Variants in TMEM19 observed in about 807,000 individuals in gnomAD.
The protein encoded by TMEM19 is transmembrane protein 19.
In TMEM19, 21 loss-of-function variants were observed where a neutral mutation model predicts 33.6. The ratio of observed to expected loss-of-function variants is 0.62; its 90% CI spans 0.44 to 0.90. TMEM19 has a LOEUF of 0.90. Ranked by LOEUF, TMEM19 falls within the 40% of genes least tolerant of loss-of-function variation. TMEM19 has a pLI of 0.00. For missense variants in TMEM19, 402 were observed against 401.8 expected (o/e 1.00, Z 0.00); for synonymous variants, 149 against 147.5 (o/e 1.01, Z -0.07).
intron 4 of TMEM19, among the ~76,000 whole-genome samples, chr12:71,698,607 A>AAGAG (rs71068787): frequency 2.3e-3 from 279 of 121,258 alleles, no homozygotes; most frequent in East Asian, 7.3e-3. Flanking sequence ...TGTCTCTGAA[A>AAGAG]AGAGAGAGAG....
Position 71,699,094 on chromosome 12 carries a change from A to G in TMEM19, c.832A>G (p.Thr278Ala), listed in dbSNP as rs373495464. ...AATTGTGGACTCATACTTAGGGGCT[A>G]CAATGCAGTATACTGGTAAGAACAT... is the stretch of plus-strand genomic sequence containing the variant. ...GSIVDSYLGA[T>A]MQYTGLDEST... Residue 278 changes from threonine (T) to alanine (A), a missense_variant, in exon 5 of 6, where the codon ACA becomes GCA. Coordinates refer to ENST00000266673, the MANE Select transcript of TMEM19 (RefSeq NM_018279.4). 81 of 1,614,090 alleles carry G rather than the reference A, an allele frequency of 5.0e-5. No individual in the cohort carries two copies. The highest frequency in any genetic ancestry group is 6.5e-5 in the Non-Finnish European group (77 of 1,180,032).
chr12:71,700,075 T>G (rs533841639), intron 5 of TMEM19, among the ~76,000 whole-genome samples: 1 of 152,296 alleles, frequency 6.6e-6, no homozygotes, highest in African/African-American at 2.4e-5. Context: ...GCACTCTTCA[T>G]GCCTCAGAAA....
rs74104122 is a variant in TMEM19, at chr12:71,700,847, C to G, written c.863C>G (p.Thr288Ser). The G allele has an allele frequency of 4.4e-3, 7,052 of 1,602,068 alleles. 281 individuals carry two copies. In the African/African-American group the frequency reaches 0.082, roughly 19 times the overall value. Residue 288 changes from threonine to serine, a missense_variant, in exon 6 of 6, where the codon ACT becomes AGT. By Grantham distance (58) the Thr-to-Ser change is moderately conservative. Transcript: ENST00000266673. ...TMQYTGLDES[T>S]GMVVNSPTNK... is the part of the protein sequence containing the mutation. ...TCCATTCCAGGGTTGGATGAAAGCACTGGCATGGTGGTCAACAGCCCAACA... is the reference window on the plus strand; with the variant it reads ...TCCATTCCAGGGTTGGATGAAAGCAGTGGCATGGTGGTCAACAGCCCAACA...
chr12:71,695,022 G>A (rs1288040453), intron 2 of TMEM19, among the ~76,000 whole-genome samples: 1 of 152,170 alleles, frequency 6.6e-6, no homozygotes, highest in Non-Finnish European at 1.5e-5. Flanking sequence ...TAGTCCTCAA[G>A]TCTTCAAATT....
Position 71,686,502 on chromosome 12 carries a change from C to T in TMEM19, c.-179C>T. 1.7e-6 allele frequency: 1 copy of T among 600,064 alleles called. No homozygotes were observed. Among genetic ancestry groups the T allele is most frequent in the South Asian group, 2.0e-5 (1 of 49,842 alleles). 37.2% of individuals were successfully genotyped at this position (600,064 alleles called of 1,614,324 possible). ...CCACGCCCATATGAATTGGAGCTCT[C>T]CGCCAGTAGGAGTTTCCGGAAGGAG... On this transcript the variant is annotated 5_prime_UTR_variant, in exon 1 of 6. Transcript: ENST00000266673.
chr12:71,687,649 G>A (rs1881717103), intron 1 of TMEM19, among the ~76,000 whole-genome samples: 1 of 152,114 alleles, frequency 6.6e-6, no homozygotes, highest in Non-Finnish European at 1.5e-5. Context: ...CATTTGGAGA[G>A]CTGAAGGACT....
chr12:71,701,214 T>G lies in TMEM19; in HGVS notation c.*219T>G. ...GAATTCCTAGAACTTATGCATTTTT[T>G]TCCTGCTGAATGGAAGTCTTGAGCA... On this transcript the variant is annotated 3_prime_UTR_variant, in exon 6 of 6. Transcript: ENST00000266673. 2.4e-6 allele frequency: 1 copy of G among 409,174 alleles called. No individual in the cohort carries two copies. The allele number at this position is 409,174 out of a possible 1,614,324, so 25.3% of individuals were successfully genotyped here. A position where few individuals can be genotyped will look rare whatever the true frequency, so the allele number is the denominator to read the frequency against.
intron 5 of TMEM19, chr12:71,699,903 T>G (rs892590227): frequency 6.6e-6 from 1 of 152,260 alleles, no homozygotes; most frequent in Non-Finnish European, 1.5e-5. Flanking sequence ...TCTCAAAATT[T>G]TCTGTGCTTT....
intron 3 of TMEM19, among the ~76,000 whole-genome samples, chr12:71,697,002 A>G (rs1169174497): frequency 6.6e-6 from 1 of 152,162 alleles, no homozygotes; most frequent in Non-Finnish European, 1.5e-5. Flanking sequence ...TCAATTTTAT[A>G]TGAGAATTCC....
chr12:71,696,393 T>A (rs776316947), intron 2 of TMEM19, 43 bp from the exon 3 acceptor site: 1 of 1,466,734 alleles, frequency 6.8e-7, no homozygotes, highest in Admixed American at 2.1e-5. Flanking sequence ...AGCATTGATG[T>A]ATGAATTGAA....
rs1266232440 is a variant in TMEM19, at chr12:71,686,498, C to G, written c.-183C>G. On this transcript the variant is annotated 5_prime_UTR_variant, in exon 1 of 6. Coordinates refer to ENST00000266673, the MANE Select transcript of TMEM19 (RefSeq NM_018279.4). ...TTGACCACGCCCATATGAATTGGAG[C>G]TCTCCGCCAGTAGGAGTTTCCGGAA... The G allele has an allele frequency of 5.2e-6, 3 of 574,918 alleles. No individual in the cohort carries two copies. The East Asian group carries it at 1.1e-4, about 22-fold the overall frequency. 35.6% of individuals were successfully genotyped at this position (574,918 alleles called of 1,614,324 possible).
At chr12:71,688,611 C>A (rs896133011) in intron 1 of TMEM19, among the ~76,000 whole-genome samples, 1 of 152,048 alleles carries the variant, frequency 6.6e-6, no homozygotes, top group South Asian at 2.1e-4. Context: ...TTTGCCTTGG[C>A]GTTTAGGAGC....
Position 71,686,441 on chromosome 12 carries a change from G to C in TMEM19, c.-240G>C, listed in dbSNP as rs1421728963. ...AGCCGGCGACCGGCCCTCACCGTCC[G>C]CCGGGTTGCGCTCTGCTTTTGCGGT... On this transcript the variant is annotated 5_prime_UTR_variant, in exon 1 of 6. Transcript: ENST00000266673. The C allele has an allele frequency of 3.8e-5, 14 of 369,418 alleles. No homozygotes were observed. Among genetic ancestry groups the C allele is most frequent in the South Asian group, 5.8e-5 (2 of 34,734 alleles). The allele number at this position is 369,418 out of a possible 1,614,324, so 22.9% of individuals were successfully genotyped here. A position where few individuals can be genotyped will look rare whatever the true frequency, so the allele number is the denominator to read the frequency against.
chr12:71,696,882 C>T (rs773458893), intron 3 of TMEM19, among the ~76,000 whole-genome samples: 1 of 152,102 alleles, frequency 6.6e-6, no homozygotes, highest in African/African-American at 2.4e-5. Flanking sequence ...CTCCTGACCT[C>T]GTGATCCGCC....
In TMEM19 at chr12:71,701,691, T is replaced by C. The variant is rs1416424774; in HGVS notation, c.*696T>C. On this transcript the variant is annotated 3_prime_UTR_variant, in exon 6 of 6. Coordinates refer to ENST00000266673, the MANE Select transcript of TMEM19 (RefSeq NM_018279.4). Reference sequence around the variant, plus strand: ...AATTTTATCTTATATCTAAAAAATATATAACTTACTATATGTTTCAGTTGC... The same window carrying C: ...AATTTTATCTTATATCTAAAAAATACATAACTTACTATATGTTTCAGTTGC... 1 of 152,248 alleles carries C rather than the reference T, an allele frequency of 6.6e-6. No individual in the cohort carries two copies. The highest frequency in any genetic ancestry group is 1.5e-5 in the Non-Finnish European group (1 of 68,040). 9.4% of individuals were successfully genotyped at this position (152,248 alleles called of 1,614,324 possible).
Position 71,694,774 on chromosome 12 carries a change from A to T in TMEM19, c.245-1662A>T, listed in dbSNP as rs113656901. Among the ~76,000 whole-genome samples the T allele has an allele frequency of 5.2e-3, 791 of 152,324 alleles. 3 individuals carry two copies. The highest frequency in any genetic ancestry group is 0.018 in the African/African-American group (746 of 41,576). ...TTTCTACATTTTGGGCTAGCCAAGT[A>T]AATTATTATAGAATATGTATGAAGC... On this transcript the variant is annotated intron_variant, in intron 2 of 5. Transcript: ENST00000266673.
chr12:71,700,729 A>C (rs1243437651), intron 5 of TMEM19, 103 bp from the exon 6 acceptor site: 1 of 1,162,808 alleles, frequency 8.6e-7, no homozygotes, highest in Non-Finnish European at 1.2e-6. Flanking sequence ...AAGTACATGT[A>C]CCCTAGAACT....
At chr12:71,698,728 T>G (rs1881924084) in intron 4 of TMEM19, among the ~76,000 whole-genome samples, 172 bp from the exon 5 acceptor site, 1 of 152,070 alleles carries the variant, frequency 6.6e-6, no homozygotes, top group Non-Finnish European at 1.5e-5. Flanking sequence ...GCTTAAAATG[T>G]CAAGAGTTAC....
rs751299498 is a variant in TMEM19, at chr12:71,699,084, C to T, written c.822C>T (p.Tyr274=). Residue 274 remains tyrosine (Y), a synonymous_variant, in exon 5 of 6, where the codon TAC becomes TAT. Transcript: ENST00000266673. ...TACTAGGATCAATTGTGGACTCATA[C>T]TTAGGGGCTACAATGCAGTATACTG... ...AGLLGSIVDS[Y]LGATMQYTGL... is the part of the protein sequence containing the mutation. 1.9e-6 allele frequency: 3 copies of T among 1,614,134 alleles called. No homozygotes were observed. The highest frequency in any genetic ancestry group is 2.2e-5 in the South Asian group (2 of 91,084).
Sources: gnomAD v4.1 joint callset for allele counts (sites outside exome capture counted in the v4.1 genomes callset) on GRCh38, gnomAD v4.1.1 for gene constraint, MANE v1.5 for transcripts, NCBI Gene and HGNC (gene_info 2026-07-23, HGNC 2026-07-21) for gene names.